Variants in ARAP3 observed in about 807,000 individuals in gnomAD.
ARAP3 encodes the protein arf-GAP with Rho-GAP domain, ANK repeat and PH domain-containing protein 3.
A neutral mutation model predicts 169.2 loss-of-function variants in ARAP3; 82 were observed. That is an observed-to-expected ratio of 0.48 (90% CI 0.41 to 0.58). The LOEUF (loss-of-function observed/expected upper bound fraction) is 0.58. Among genes scored for constraint, ARAP3 ranks in the 20% least tolerant of loss-of-function variants. ARAP3 has a pLI of 0.00. For missense variants in ARAP3, 1,764 were observed against 2,018.0 expected (o/e 0.87, Z 2.41); for synonymous variants, 791 against 800.3 (o/e 0.99, Z 0.20).
At position 141,662,073 on chromosome 5, in the gene ARAP3, G is replaced by A. The variant is rs534103187; in HGVS notation, c.2983C>T (p.Arg995Trp). 6.2e-6 allele frequency: 10 copies of A among 1,614,200 alleles called. No individual in the cohort carries two copies. Among genetic ancestry groups the A allele is most frequent in the East Asian group, 2.2e-5 (1 of 44,874 alleles). Residue 995 changes from arginine (R) to tryptophan (W), a missense_variant, in exon 20 of 33, where the codon CGG becomes TGG. Transcript: ENST00000239440. ...RELDDPVTSA[R>W]LLPRWREAAE... ...GCCTCCCTCCAGCGAGGCAGCAACC[G>A]TGCAGAGGTCACAGGGTCATCGAGC...
In ARAP3 at chr5:141,671,187, G is replaced by A; in HGVS notation, c.1990+78C>T. Reference sequence around the variant, plus strand: ...TGGGCCATTGTGATCAGCTAATTGGGGCCCCTTGGAAGAACTGAATCATAG... The same window carrying A: ...TGGGCCATTGTGATCAGCTAATTGGAGCCCCTTGGAAGAACTGAATCATAG... On this transcript the variant is annotated intron_variant, in intron 13 of 32. Coordinates refer to ENST00000239440, the MANE Select transcript of ARAP3 (RefSeq NM_022481.6). The surrounding 1 kb of genome is among the most constrained non-coding windows in gnomAD (Gnocchi z 4.9). The A allele has an allele frequency of 6.6e-7, 1 of 1,523,954 alleles. No individual in the cohort carries two copies. The highest frequency in any genetic ancestry group is 8.8e-7 in the Non-Finnish European group (1 of 1,133,262). The allele number at this position is 1,523,954 out of a possible 1,614,324, so 94.4% of individuals were successfully genotyped here. A position where few individuals can be genotyped will look rare whatever the true frequency, so the allele number is the denominator to read the frequency against.
intron 22 of ARAP3, 94 bp from the exon 23 acceptor site, chr5:141,659,570 G>A (rs1421290967): frequency 2.1e-6 from 3 of 1,431,056 alleles, no homozygotes; most frequent in African/African-American, 1.4e-5. Flanking sequence ...GAGGGCTGGA[G>A]GCCAGAAGAG....
chr5:141,657,569 C>A (rs532419003), intron 25 of ARAP3, among the ~76,000 whole-genome samples: 39 of 152,338 alleles, frequency 2.6e-4, no homozygotes, highest in African/African-American at 8.4e-4. Flanking sequence ...TCCAGCTATC[C>A]CCTTTCTGGG....
At chr5:141,660,231 G>A (rs1031219185) in intron 21 of ARAP3, among the ~76,000 whole-genome samples, 11 of 152,116 alleles carry the variant, frequency 7.2e-5, no homozygotes, top group Admixed American at 2.6e-4. Flanking sequence ...GGTGGCTCAC[G>A]CTTGTAATCC....
chr5:141,669,266 GA>G (rs1363149492), intron 16 of ARAP3, among the ~76,000 whole-genome samples: 4 of 152,178 alleles, frequency 2.6e-5, no homozygotes, highest in Admixed American at 2.6e-4. Flanking sequence ...TAAGAATGGA[GA>G]AGCTGGGAAA....
intron 16 of ARAP3, among the ~76,000 whole-genome samples, chr5:141,668,716 A>G (rs953895265): frequency 2.0e-5 from 3 of 152,234 alleles, no homozygotes; most frequent in Non-Finnish European, 4.4e-5. Flanking sequence ...GAAGGGGGTC[A>G]AAAGCCAGAG....
At chr5:141,674,067 G>A (rs536660665) in intron 4 of ARAP3, among the ~76,000 whole-genome samples, 3 of 146,696 alleles carry the variant, frequency 2.0e-5, no homozygotes, top group African/African-American at 7.5e-5. Context: ...GGGTTCAAGC[G>A]ATTCTCCTGC....
chr5:141,655,371 G>A lies in ARAP3; in HGVS notation c.4140C>T (p.Ser1380=). The change falls in exon 32 of 33, where the codon TCC becomes TCT. Residue 1380 remains serine (S), a synonymous_variant. Coordinates refer to ENST00000239440, the MANE Select transcript of ARAP3 (RefSeq NM_022481.6). The part of the protein sequence containing the change: ...LRRLHNRRTL[S]MFFPMKSSQG... ...CAGGCACAATACTCACAAAGAACAT[G>A]GACAGGGTCCTCCGGTTGTGTAGTC... 6.3e-7 allele frequency: 1 copy of A among 1,582,664 alleles called. No individual in the cohort carries two copies.
chr5:141,680,649 A>G, intron 1 of ARAP3, 146 bp from the exon 2 acceptor site: 1 of 1,260,470 alleles, frequency 7.9e-7, no homozygotes, highest in Non-Finnish European at 1.1e-6. Context: ...AAGCAGAGCC[A>G]TCCCAGAACA....
intron 4 of ARAP3, 58 bp downstream of exon 4, chr5:141,679,487 A>G (rs78410200): frequency 0.023 from 35,831 of 1,529,230 alleles, 885 homozygotes; most frequent in South Asian, 0.095. Context: ...AACTGGATAC[A>G]TGGCCGCCAC....
In ARAP3 at chr5:141,658,492, C is replaced by A; in HGVS notation, c.3412-13G>T. 1 of 1,614,034 alleles carries A rather than the reference C, an allele frequency of 6.2e-7. No individual in the cohort carries two copies. The highest frequency in any genetic ancestry group is 8.5e-7 in the Non-Finnish European group (1 of 1,179,942). ...GGGTTGGGGACACCTGGGGTCAGGG[C>A]AAGAGCAGAGAATTCATGCTGGTCA... is the stretch of plus-strand genomic sequence containing the variant. On this transcript the variant is annotated splice_polypyrimidine_tract_variant and intron_variant, in intron 24 of 32. Transcript: ENST00000239440.
intron 32 of ARAP3, 56 bp downstream of exon 32, chr5:141,655,306 A>G (rs2099909131): frequency 6.4e-7 from 1 of 1,550,708 alleles, no homozygotes; most frequent in African/African-American, 1.4e-5. Flanking sequence ...GGGCTCAGGC[A>G]GCACAGAGGA....
At position 141,658,384 on chromosome 5, in the gene ARAP3, A is replaced by C. The variant is rs75402316; in HGVS notation, c.3507T>G (p.Ile1169Met). The change falls in exon 25 of 33, where the codon ATT (isoleucine) becomes ATG (methionine). Residue 1169 changes from isoleucine (I) to methionine (M), a missense_variant. By Grantham distance (10) the Ile-to-Met change is conservative. Transcript: ENST00000239440. ...ACTCACCCAGCTCCCCATGCTCGCG[A>C]ATCTCAAAAGTCACCCACAAGTCCA... ...AGMDLWVTFEIREHGELERPL... is the reference protein window; with the variant it reads ...AGMDLWVTFEMREHGELERPL... The C allele has an allele frequency of 1.4e-3, 2,217 of 1,613,482 alleles. 20 individuals carry two copies. The African/African-American group carries it at 0.025, about 18-fold the overall frequency.
At position 141,673,410 on chromosome 5, in the gene ARAP3, G is replaced by A; in HGVS notation, c.963C>T (p.Gly321=). The A allele has an allele frequency of 6.2e-7, 1 of 1,613,890 alleles. No homozygotes were observed. Among genetic ancestry groups the A allele is most frequent in the South Asian group, 1.1e-5 (1 of 91,074 alleles). Residue 321 remains glycine, a synonymous_variant, in exon 6 of 33, where the codon GGC becomes GGT. Transcript: ENST00000239440. ...QFNGRSLMYF[G]SDKDPFPKGV... ...TCTCCCAGCCCCCCACCTTGTCACT[G>A]CCAAAGTACATCAGACTCCTCCCAT...
rs754961480 is a variant in ARAP3 at position 141,673,765 on chromosome 5, C to A, written c.742G>T (p.Ala248Ser). ...GAGTCTCCAGGTAGCTCAAGGCTGG[C>A]ATAGCCAGCATCCTCCCGTGCCTCC... Reference protein sequence around the residue: ...DLEAREDAGYASLELPGDSTL... With the variant: ...DLEAREDAGYSSLELPGDSTL... Residue 248 changes from alanine to serine, a missense_variant, in exon 5 of 33, where the codon GCC becomes TCC. This residue lies in a region of ARAP3 where 630 missense variants were observed against 678.7 expected (regional missense o/e 0.93). Coordinates refer to ENST00000239440, the MANE Select transcript of ARAP3 (RefSeq NM_022481.6). 2.5e-6 allele frequency: 4 copies of A among 1,614,156 alleles called. No individual in the cohort carries two copies. The Admixed American group carries it at 6.7e-5, about 27-fold the overall frequency.
At chr5:141,667,336 C>T (rs1346246296) in intron 16 of ARAP3, among the ~76,000 whole-genome samples, 1 of 152,108 alleles carries the variant, frequency 6.6e-6, no homozygotes, top group African/African-American at 2.4e-5. Context: ...AGCAGTGCTT[C>T]TCAAACTACC....
chr5:141,666,058 T>TAA (rs1562412697), intron 17 of ARAP3, among the ~76,000 whole-genome samples: 29 of 107,250 alleles, frequency 2.7e-4, no homozygotes, highest in East Asian at 1.1e-3. Flanking sequence ...AAAAAAATAA[T>TAA]AATAATAATA....
rs771211262 is a variant in ARAP3, at chr5:141,673,782, C to G, written c.725G>C (p.Arg242Pro). ...HRLSRQDLEAREDAGYASLEL... is the reference protein window; with the variant it reads ...HRLSRQDLEAPEDAGYASLEL... ...AAGGCTGGCATAGCCAGCATCCTCC[C>G]GTGCCTCCAGATCCTGTCTGCTGAG... Residue 242 changes from arginine (R) to proline (P), a missense_variant, in exon 5 of 33, where the codon CGG becomes CCG. Arg to Pro is a moderately radical substitution (Grantham distance 103). Transcript: ENST00000239440. 1.2e-6 allele frequency: 2 copies of G among 1,614,124 alleles called. No individual in the cohort carries two copies. Among genetic ancestry groups the G allele is most frequent in the African/African-American group, 1.3e-5 (1 of 75,048 alleles).
chr5:141,669,051 C>T (rs1258068502), intron 16 of ARAP3, among the ~76,000 whole-genome samples: 4 of 152,162 alleles, frequency 2.6e-5, no homozygotes, highest in Admixed American at 6.5e-5. Context: ...ATTATTTCAA[C>T]GCCCACATAC....
Sources: allele counts gnomAD v4.1 joint callset (sites outside exome capture counted in the v4.1 genomes callset), GRCh38; gene constraint gnomAD v4.1.1; regional missense constraint gnomAD v4.1.1; non-coding constraint Gnocchi (gnomAD v3.1); transcripts MANE v1.5; gene names NCBI Gene and HGNC (gene_info 2026-07-23, HGNC 2026-07-21).